Variants in SDK1 observed in about 807,000 individuals in gnomAD.
SDK1 encodes sidekick cell adhesion molecule 1, also known as protein sidekick-1.
In SDK1, 157 loss-of-function variants were observed where a neutral mutation model predicts 245.5. The observed-to-expected ratio is 0.64, with a 90% CI of 0.56 to 0.73. SDK1 has a LOEUF of 0.73. Ranked by LOEUF, SDK1 falls within the 30% of genes least tolerant of loss-of-function variation. The probability of loss-of-function intolerance (pLI) is 0.00; values close to 1 mark genes in which losing one functional copy is unlikely to be tolerated. For missense variants in SDK1, 3,583 were observed against 3,002.3 expected (o/e 1.19, Z -4.52); for synonymous variants, 1,647 against 1,278.5 (o/e 1.29, Z -6.15).
intron 5 of SDK1, among the ~76,000 whole-genome samples, chr7:3,892,779 G>T (rs141632037): frequency 2.0e-4 from 30 of 152,284 alleles, no homozygotes; most frequent in Non-Finnish European, 3.2e-4. Context: ...CAGTGCAGCC[G>T]AAAGAACCTG....
chr7:4,137,815 A>G (rs539474043), intron 28 of SDK1, among the ~76,000 whole-genome samples: 20 of 152,350 alleles, frequency 1.3e-4, no homozygotes, highest in African/African-American at 4.3e-4. Flanking sequence ...TGTAACCGTA[A>G]TTACATAACT....
chr7:4,139,705 ATGTGTGTGTGTGTGTATGTGTG>A (rs1562872819), intron 28 of SDK1, among the ~76,000 whole-genome samples: 1 of 111,874 alleles, frequency 8.9e-6, no homozygotes, highest in Non-Finnish European at 2.0e-5. Context: ...GTGTGTGTGT[ATGTGTGTGTGTGTGTATGTGTG>A]TGTGTGTGTA....
chr7:4,261,400 C>T (rs1029819964), intron 44 of SDK1, among the ~76,000 whole-genome samples: 5 of 152,278 alleles, frequency 3.3e-5, no homozygotes, highest in South Asian at 4.1e-4. Context: ...TGCCCACCCC[C>T]GCCTCCAGCT....
At chr7:3,617,720 C>A (rs921526141) in intron 1 of SDK1, among the ~76,000 whole-genome samples, 1 of 152,136 alleles carries the variant, frequency 6.6e-6, no homozygotes, top group African/African-American at 2.4e-5. Context: ...TATTAGGACC[C>A]CTCTCCCTTG....
intron 22 of SDK1, among the ~76,000 whole-genome samples, chr7:4,081,931 C>T (rs188401072): frequency 3.3e-5 from 5 of 152,232 alleles, no homozygotes; most frequent in Admixed American, 3.3e-4. Flanking sequence ...GTCTAAAATG[C>T]CTGTTCACAT....
At chr7:4,115,192 T>C (rs893238986) in intron 25 of SDK1, among the ~76,000 whole-genome samples, 1 of 152,318 alleles carries the variant, frequency 6.6e-6, no homozygotes, top group African/African-American at 2.4e-5. Flanking sequence ...TCTGAATTAG[T>C]GAGGTTCTGT....
Position 4,265,531 on chromosome 7 carries a change from C to T in SDK1, c.*147C>T. On this transcript the variant is annotated 3_prime_UTR_variant, in exon 45 of 45. Coordinates refer to ENST00000404826, the MANE Select transcript of SDK1 (RefSeq NM_152744.4). ...AGTGATGATTTTACCTACTTGTGGA[C>T]ACTAGATTTCAATTAGGAAGGTTTT... The T allele has an allele frequency of 1.5e-6, 2 of 1,346,268 alleles. No individual in the cohort carries two copies. Among genetic ancestry groups the T allele is most frequent in the Non-Finnish European group, 9.5e-7 (1 of 1,057,736 alleles). The allele number at this position is 1,346,268 out of a possible 1,614,324, so 83.4% of individuals were successfully genotyped here. A position where few individuals can be genotyped will look rare whatever the true frequency, so the allele number is the denominator to read the frequency against.
chr7:3,379,449 G>C (rs372017186), intron 1 of SDK1, among the ~76,000 whole-genome samples: 5 of 152,204 alleles, frequency 3.3e-5, no homozygotes, highest in African/African-American at 1.2e-4. Context: ...GAGTGACTCA[G>C]TGACCGGGAA....
At chr7:4,237,394 G>T (rs533486792) in intron 41 of SDK1, among the ~76,000 whole-genome samples, 22 of 152,114 alleles carry the variant, frequency 1.4e-4, no homozygotes, top group African/African-American at 4.8e-4. Context: ...GGACAGAGGA[G>T]CCCTGAGCCT....
intron 5 of SDK1, among the ~76,000 whole-genome samples, chr7:3,828,951 C>G (rs1372472295): frequency 6.6e-6 from 1 of 151,944 alleles, no homozygotes; most frequent in Non-Finnish European, 1.5e-5. Context: ...GCTACTGAAC[C>G]CCACCAAGAT....
At chr7:4,094,354 G>A (rs772429517) in intron 22 of SDK1, among the ~76,000 whole-genome samples, 9 of 152,166 alleles carry the variant, frequency 5.9e-5, no homozygotes, top group South Asian at 2.1e-4. Context: ...GAGCCACCGC[G>A]CCCGGCCCAG....
chr7:4,086,506 G>T (rs1461960273), intron 22 of SDK1, among the ~76,000 whole-genome samples: 2 of 152,136 alleles, frequency 1.3e-5, no homozygotes, highest in African/African-American at 4.8e-5. Context: ...TGTGCTGTCA[G>T]CCATGGTCAT....
intron 22 of SDK1, among the ~76,000 whole-genome samples, chr7:4,107,162 G>A (rs910323777): frequency 2.0e-5 from 3 of 148,892 alleles, no homozygotes; most frequent in South Asian, 2.1e-4. Context: ...TGGGGAGGGT[G>A]GGGCTGCAGG....
At chr7:3,624,933 TACTCGGGAGGCAGGAGAATCCCTTGA>T in intron 2 of SDK1, among the ~76,000 whole-genome samples, 1 of 152,120 alleles carries the variant, frequency 6.6e-6, no homozygotes, top group Admixed American at 6.5e-5. Flanking sequence ...TAATCCCAGC[TACTCGGGAGGCAGGAGAATCCCTTGA>T]ACCCGGGAGG....
chr7:3,657,598 C>T (rs891063436), intron 4 of SDK1, among the ~76,000 whole-genome samples: 3 of 126,692 alleles, frequency 2.4e-5, no homozygotes, highest in East Asian at 2.3e-4. Flanking sequence ...TTAGGGGACT[C>T]GGGTTTTTTT....
chr7:3,686,581 T>C (rs574567741), intron 4 of SDK1, among the ~76,000 whole-genome samples: 1 of 152,320 alleles, frequency 6.6e-6, no homozygotes, highest in East Asian at 1.9e-4. Context: ...TGGCAGTTTT[T>C]CATAAATCTA....
chr7:3,812,429 C>T (rs564809418), intron 4 of SDK1, among the ~76,000 whole-genome samples: 2 of 152,144 alleles, frequency 1.3e-5, no homozygotes, highest in Non-Finnish European at 2.9e-5. Context: ...AGAAATTCCA[C>T]CCTGCAACTT....
At chr7:3,307,035 G>A (rs1779433290) in intron 1 of SDK1, among the ~76,000 whole-genome samples, 1 of 152,126 alleles carries the variant, frequency 6.6e-6, no homozygotes, top group African/African-American at 2.4e-5. Flanking sequence ...ACATTGAAAG[G>A]TGTAGTATAA....
intron 1 of SDK1, among the ~76,000 whole-genome samples, chr7:3,468,520 C>A (rs1781082453): frequency 6.6e-6 from 1 of 152,184 alleles, no homozygotes; most frequent in East Asian, 1.9e-4. Context: ...ATTACTCTAA[C>A]TTTTCCTCTG....
Sources: allele counts gnomAD v4.1 joint callset (sites outside exome capture counted in the v4.1 genomes callset), GRCh38; gene constraint gnomAD v4.1.1; transcripts MANE v1.5; gene names NCBI Gene and HGNC (gene_info 2026-07-23, HGNC 2026-07-21).